Variants in OR6C4 observed in about 807,000 individuals in gnomAD.
OR6C4 encodes olfactory receptor 6C4.
OR6C4 carries 20 observed loss-of-function variants against 15.1 expected under a neutral mutation model. That is an observed-to-expected ratio of 1.32 (90% CI 0.93 to 1.92). The LOEUF is 1.92. Ranked by LOEUF, OR6C4 falls within the 30% of genes most tolerant of loss-of-function variation. OR6C4 has a pLI of 0.00. For missense variants in OR6C4, 491 were observed against 363.2 expected, an observed-to-expected ratio of 1.35 and a Z score of -2.86; for synonymous variants, 179 against 134.2, an observed-to-expected ratio of 1.33 and a Z score of -2.31.
chr12:55,551,148 C>T, intron 1 of OR6C4, 61 bp from the exon 2 acceptor site: 5 of 1,044,982 alleles, frequency 4.8e-6, no homozygotes, highest in South Asian at 2.7e-5. Context: ...TTAAGATAAG[C>T]TTTATGTCTC....
In OR6C4 at chr12:55,555,440, A is replaced by G. The variant is rs1458064754; in HGVS notation, c.*3284A>G. 6.6e-6 allele frequency: 1 copy of G among 152,158 alleles called. No individual in the cohort carries two copies. The highest frequency in any genetic ancestry group is 1.9e-4 in the East Asian group (1 of 5,200). The allele number at this position is 152,158 out of a possible 1,614,324, so 9.4% of individuals were successfully genotyped here. On this transcript the variant is annotated 3_prime_UTR_variant, in exon 2 of 2. Coordinates refer to ENST00000641569, the MANE Select transcript of OR6C4 (RefSeq NM_001005494.2). ...ACTCCCGTATTACTTCACTTAGAAT[A>G]ACGACTTCCAGCTCCATCCAAACTG...
rs1212685306 is a variant in OR6C4, at chr12:55,552,081, C to A, written c.855C>A (p.Pro285=). ...CTTCGGTTACTCCCTTACTGAATCCCTTCATATATACTTTAAGAAATCAGC... is the reference window on the plus strand; with the variant it reads ...CTTCGGTTACTCCCTTACTGAATCCATTCATATATACTTTAAGAAATCAGC... The part of the protein sequence containing the change: ...LITSVTPLLN[P]FIYTLRNQQV... The change falls in exon 2 of 2, where the codon CCC becomes CCA. Residue 285 remains proline, a synonymous_variant. Coordinates refer to ENST00000641569, the MANE Select transcript of OR6C4 (RefSeq NM_001005494.2). 1 of 1,612,034 alleles carries A rather than the reference C, an allele frequency of 6.2e-7. No homozygotes were observed. The highest frequency in any genetic ancestry group is 8.5e-7 in the Non-Finnish European group (1 of 1,179,396).
chr12:55,552,139 A>G lies in OR6C4; in HGVS notation c.913A>G (p.Lys305Glu), dbSNP rs1406707709. ...VKQAFKDSVK[K>E]IVKL Reference sequence around the variant, plus strand: ...ACAAGCTTTCAAGGACTCAGTCAAAAAGATTGTGAAACTTTAAAAAAGGAG... The same window carrying G: ...ACAAGCTTTCAAGGACTCAGTCAAAGAGATTGTGAAACTTTAAAAAAGGAG... Residue 305 changes from lysine to glutamate, a missense_variant, in exon 2 of 2, where the codon AAG becomes GAG. By Grantham distance (56) the Lys-to-Glu change is moderately conservative (BLOSUM62 1). Coordinates refer to ENST00000641569, the MANE Select transcript of OR6C4 (RefSeq NM_001005494.2). 6.3e-7 allele frequency: 1 copy of G among 1,594,932 alleles called. No homozygotes were observed. The highest frequency in any genetic ancestry group is 8.5e-7 in the Non-Finnish European group (1 of 1,175,030).
chr12:55,553,725 T>C lies in OR6C4; in HGVS notation c.*1569T>C, dbSNP rs1271776989. 6.6e-6 allele frequency: 1 copy of C among 152,132 alleles called. No individual in the cohort carries two copies. The highest frequency in any genetic ancestry group is 2.4e-5 in the African/African-American group (1 of 41,442). The allele number at this position is 152,132 out of a possible 1,614,324, so 9.4% of individuals were successfully genotyped here. A position where few individuals can be genotyped will look rare whatever the true frequency, so the allele number is the denominator to read the frequency against. On this transcript the variant is annotated 3_prime_UTR_variant, in exon 2 of 2. Transcript: ENST00000641569. ...CCCACATTTCTACTAAAACCTATGG[T>C]ACAGTGGGAGCAATGTCATATAGTG...
rs1295654899 is a variant in OR6C4 at position 55,552,756 on chromosome 12, A to G, written c.*600A>G. The stretch of plus-strand genomic sequence containing the variant: ...GAGGAAAATGAAAGAATATATATTT[A>G]GTCTACTTTTCTCCAAATGAGGAGA... On this transcript the variant is annotated 3_prime_UTR_variant, in exon 2 of 2. Transcript: ENST00000641569. The G allele has an allele frequency of 6.6e-6, 1 of 152,122 alleles. No homozygotes were observed. The highest frequency in any genetic ancestry group is 6.6e-5 in the Admixed American group (1 of 15,250). The allele number at this position is 152,122 out of a possible 1,614,324, so 9.4% of individuals were successfully genotyped here. A position where few individuals can be genotyped will look rare whatever the true frequency, so the allele number is the denominator to read the frequency against.
At position 55,552,824 on chromosome 12, in the gene OR6C4, G is replaced by C. The variant is rs1873913233; in HGVS notation, c.*668G>C. ...GTCAACTTAATATGTCCATTTTCTA[G>C]TTTATGGTTAAAACAGGTTTCTAGA... On this transcript the variant is annotated 3_prime_UTR_variant, in exon 2 of 2. Coordinates refer to ENST00000641569, the MANE Select transcript of OR6C4 (RefSeq NM_001005494.2). 1 of 151,998 alleles carries C rather than the reference G, an allele frequency of 6.6e-6. No individual in the cohort carries two copies. Among genetic ancestry groups the C allele is most frequent in the Non-Finnish European group, 1.5e-5 (1 of 67,970 alleles). The allele number at this position is 151,998 out of a possible 1,614,324, so 9.4% of individuals were successfully genotyped here. A position where few individuals can be genotyped will look rare whatever the true frequency, so the allele number is the denominator to read the frequency against.
In OR6C4 at chr12:55,554,912, C is replaced by G. The variant is rs771446486; in HGVS notation, c.*2756C>G. On this transcript the variant is annotated 3_prime_UTR_variant, in exon 2 of 2. Transcript: ENST00000641569. The stretch of plus-strand genomic sequence containing the variant: ...CAGTGACTCACACTTCTAATCCCAG[C>G]TCTTTGGGAGGCTGAGGCAGGCGGA... 4.6e-5 allele frequency: 7 copies of G among 152,104 alleles called. No homozygotes were observed. Among genetic ancestry groups the G allele is most frequent in the Non-Finnish European group, 8.8e-5 (6 of 68,020 alleles). 9.4% of individuals were successfully genotyped at this position (152,104 alleles called of 1,614,324 possible). A position where few individuals can be genotyped will look rare whatever the true frequency, so the allele number is the denominator to read the frequency against.
Position 55,552,243 on chromosome 12 carries a change from G to T in OR6C4, c.*87G>T. ...TTCAAGTGCTAAATTGGCCCTTGAAGATTAAAATAGGAAAAGTATATGTCT... is the reference window on the plus strand; with the variant it reads ...TTCAAGTGCTAAATTGGCCCTTGAATATTAAAATAGGAAAAGTATATGTCT... On this transcript the variant is annotated 3_prime_UTR_variant, in exon 2 of 2. Transcript: ENST00000641569. 1 of 825,776 alleles carries T rather than the reference G, an allele frequency of 1.2e-6. No homozygotes were observed. The highest frequency in any genetic ancestry group is 1.9e-6 in the Non-Finnish European group (1 of 536,256). 51.2% of individuals were successfully genotyped at this position (825,776 alleles called of 1,614,324 possible). A position where few individuals can be genotyped will look rare whatever the true frequency, so the allele number is the denominator to read the frequency against.
chr12:55,550,303 G>A (rs978564751), intron 1 of OR6C4, among the ~76,000 whole-genome samples, 185 bp downstream of exon 1: 9 of 152,098 alleles, frequency 5.9e-5, no homozygotes. Context: ...ATCTAAAGAT[G>A]CACTCACAAT....
chr12:55,551,427 A>C lies in OR6C4; in HGVS notation c.201A>C (p.Leu67Phe). ...MYFFLRNFSF[L>F]EISFTSIFIP... The stretch of plus-strand genomic sequence containing the variant: ...TCTTCCTCCGGAATTTCTCCTTCTT[A>C]GAAATTTCCTTCACATCCATTTTTA... The change falls in exon 2 of 2, where the codon TTA becomes TTC. Residue 67 changes from leucine to phenylalanine, a missense_variant. Leu to Phe is a conservative substitution (Grantham distance 22, BLOSUM62 0). Transcript: ENST00000641569. 1 of 1,613,802 alleles carries C rather than the reference A, an allele frequency of 6.2e-7. No individual in the cohort carries two copies. Among genetic ancestry groups the C allele is most frequent in the African/African-American group, 1.3e-5 (1 of 74,946 alleles).
At position 55,553,599 on chromosome 12, in the gene OR6C4, T is replaced by A. The variant is rs953330034; in HGVS notation, c.*1443T>A. ...TATCTTGTTTTCTTTGGTTGCTAGC[T>A]AGAGATTAGTGATAATATTCAATAT... On this transcript the variant is annotated 3_prime_UTR_variant, in exon 2 of 2. Transcript: ENST00000641569. 1 of 152,176 alleles carries A rather than the reference T, an allele frequency of 6.6e-6. No individual in the cohort carries two copies. Among genetic ancestry groups the A allele is most frequent in the African/African-American group, 2.4e-5 (1 of 41,462 alleles). 9.4% of individuals were successfully genotyped at this position (152,176 alleles called of 1,614,324 possible).
At position 55,551,235 on chromosome 12, in the gene OR6C4, CA is replaced by C; in HGVS notation, c.10del (p.Arg4GlufsTer20). On this transcript the variant is annotated frameshift_variant, in exon 2 of 2. Transcript: ENST00000641569. LOFTEE classifies it high-confidence loss of function. Reference sequence around the variant, plus strand: ...TTTTCCGAAGGTCAACAATGAAAAACAGAACCATGTTTGGTGAGTTTATTCT... The same window carrying C: ...TTTTCCGAAGGTCAACAATGAAAAACGAACCATGTTTGGTGAGTTTATTCT... MKN[R>X]TMFGEFILLG... The C allele has an allele frequency of 6.2e-7, 1 of 1,605,774 alleles. No individual in the cohort carries two copies. Among genetic ancestry groups the C allele is most frequent in the Non-Finnish European group, 8.5e-7 (1 of 1,177,436 alleles).
At chr12:55,550,491 G>A (rs562585378) in intron 1 of OR6C4, among the ~76,000 whole-genome samples, 3 of 152,096 alleles carry the variant, frequency 2.0e-5, no homozygotes, top group African/African-American at 7.2e-5. Flanking sequence ...AATCCATTCC[G>A]TGATGCTGCT....
chr12:55,553,293 A>C lies in OR6C4; in HGVS notation c.*1137A>C, dbSNP rs1490235543. On this transcript the variant is annotated 3_prime_UTR_variant, in exon 2 of 2. Coordinates refer to ENST00000641569, the MANE Select transcript of OR6C4 (RefSeq NM_001005494.2). ...GTAGTGTCCAATTTCAATGGAAGTA[A>C]GCACTTTTTTTTAATCTGAGCATTT... 2 of 152,130 alleles carry C rather than the reference A, an allele frequency of 1.3e-5. No homozygotes were observed. Among genetic ancestry groups the C allele is most frequent in the East Asian group, 3.8e-4 (2 of 5,206 alleles). 9.4% of individuals were successfully genotyped at this position (152,130 alleles called of 1,614,324 possible).
At position 55,551,931 on chromosome 12, in the gene OR6C4, C is replaced by T. The variant is rs1035609740; in HGVS notation, c.705C>T (p.Ala235=). ...CTTCTGCCCAGCAAAGGACAAAGGCCTTTTCCACTTGTTCCTCCCACATGA... is the reference window on the plus strand; with the variant it reads ...CTTCTGCCCAGCAAAGGACAAAGGCTTTTTCCACTTGTTCCTCCCACATGA... ...RIPSAQQRTK[A]FSTCSSHMIV... The change falls in exon 2 of 2, where the codon GCC becomes GCT. Residue 235 remains alanine, a synonymous_variant. Coordinates refer to ENST00000641569, the MANE Select transcript of OR6C4 (RefSeq NM_001005494.2). The T allele has an allele frequency of 1.9e-6, 3 of 1,613,828 alleles. No individual in the cohort carries two copies. The highest frequency in any genetic ancestry group is 2.7e-5 in the African/African-American group (2 of 75,010).
chr12:55,555,401 G>C lies in OR6C4; in HGVS notation c.*3245G>C, dbSNP rs893420645. On this transcript the variant is annotated 3_prime_UTR_variant, in exon 2 of 2. Coordinates refer to ENST00000641569, the MANE Select transcript of OR6C4 (RefSeq NM_001005494.2). ...GAACATACTTATAAGTGAGAACATAGTTTTTGGTTTTCCACTCCCGTATTA... is the reference window on the plus strand; with the variant it reads ...GAACATACTTATAAGTGAGAACATACTTTTTGGTTTTCCACTCCCGTATTA... The C allele has an allele frequency of 6.6e-6, 1 of 152,124 alleles. No individual in the cohort carries two copies. Among genetic ancestry groups the C allele is most frequent in the African/African-American group, 2.4e-5 (1 of 41,422 alleles). The allele number at this position is 152,124 out of a possible 1,614,324, so 9.4% of individuals were successfully genotyped here.
In OR6C4 at chr12:55,552,309, T is replaced by C. The variant is rs1014949116; in HGVS notation, c.*153T>C. The C allele has an allele frequency of 1.9e-6, 1 of 518,736 alleles. No homozygotes were observed. 32.1% of individuals were successfully genotyped at this position (518,736 alleles called of 1,614,324 possible). On this transcript the variant is annotated 3_prime_UTR_variant, in exon 2 of 2. Transcript: ENST00000641569. ...TATAGTCTAGAATCAAGGAAAGATA[T>C]ATAAATGGTAAATTTATGTAATAAA...
chr12:55,554,586 T>G lies in OR6C4; in HGVS notation c.*2430T>G, dbSNP rs1052746536. 20 of 152,196 alleles carry G rather than the reference T, an allele frequency of 1.3e-4. No individual in the cohort carries two copies. Among genetic ancestry groups the G allele is most frequent in the African/African-American group, 1.9e-4 (8 of 41,458 alleles). 9.4% of individuals were successfully genotyped at this position (152,196 alleles called of 1,614,324 possible). On this transcript the variant is annotated 3_prime_UTR_variant, in exon 2 of 2. Transcript: ENST00000641569. ...TATCTAAATATATAAAATGGTGAGT[T>G]TGATTCCTCATGTCACCAAAGTGGA...
chr12:55,552,123 C>A lies in OR6C4; in HGVS notation c.897C>A (p.Phe299Leu). 1 of 1,604,262 alleles carries A rather than the reference C, an allele frequency of 6.2e-7. No homozygotes were observed. The highest frequency in any genetic ancestry group is 8.5e-7 in the Non-Finnish European group (1 of 1,177,688). The change falls in exon 2 of 2, where the codon TTC becomes TTA. Residue 299 changes from phenylalanine to leucine, a missense_variant. By Grantham distance (22) the Phe-to-Leu change is conservative (BLOSUM62 0). Coordinates refer to ENST00000641569, the MANE Select transcript of OR6C4 (RefSeq NM_001005494.2). ...GAAATCAGCAAGTGAAACAAGCTTT[C>A]AAGGACTCAGTCAAAAAGATTGTGA... ...TLRNQQVKQA[F>L]KDSVKKIVKL is the part of the protein sequence containing the mutation.
Sources: allele counts gnomAD v4.1 joint callset (sites outside exome capture counted in the v4.1 genomes callset), GRCh38; gene constraint gnomAD v4.1.1; transcripts MANE v1.5; gene names NCBI Gene and HGNC (gene_info 2026-07-23, HGNC 2026-07-21).